The following FBXL17 variants were observed in gnomAD, a reference collection of about 807,000 sequenced individuals.
FBXL17 encodes the protein F-box and leucine rich repeat protein 17, also known as F-box/LRR-repeat protein 17.
In FBXL17, 22 loss-of-function variants were observed where a neutral mutation model predicts 66.2. The ratio of observed to expected loss-of-function variants is 0.33; its 90% CI spans 0.24 to 0.47. The LOEUF (loss-of-function observed/expected upper bound fraction) is 0.47. Among genes scored for constraint, FBXL17 ranks in the 20% least tolerant of loss-of-function variants. FBXL17 has a pLI of 1.00. For synonymous variants in FBXL17, 474 were observed against 400.5 expected, an observed-to-expected ratio of 1.18 and a Z score of -2.19; for missense variants, 878 against 948.2, an observed-to-expected ratio of 0.93 and a Z score of 0.97.
rs540256069 is a variant in FBXL17, at chr5:108,077,466, C to T, written c.1746-56465G>A. 2.8e-3 allele frequency among the ~76,000 whole-genome samples: 431 copies of T among 151,974 alleles called. 2 individuals carry two copies. Among genetic ancestry groups the T allele is most frequent in the Middle Eastern group, 0.01 (3 of 294 alleles). ...ATCACTTGAGCCCAGGAGTTTTAGA[C>T]CAGCCTAGGTAACAAATGAAACCCC... is the stretch of plus-strand genomic sequence containing the variant. On this transcript the variant is annotated intron_variant, in intron 6 of 8. Transcript: ENST00000542267.
intron 3 of FBXL17, among the ~76,000 whole-genome samples, chr5:108,357,309 T>G (rs1239522922): frequency 6.6e-6 from 1 of 152,052 alleles, no homozygotes; most frequent in Non-Finnish European, 1.5e-5. Context: ...TTAATATGTA[T>G]TCATCTCACA....
intron 7 of FBXL17, among the ~76,000 whole-genome samples, chr5:107,982,523 T>C (rs1162660320): frequency 1.3e-5 from 2 of 152,164 alleles, no homozygotes; most frequent in Admixed American, 1.3e-4. Flanking sequence ...AACAAAACTT[T>C]CCGCTACTGA....
At chr5:107,870,111 T>C (rs1231401961) in intron 8 of FBXL17, among the ~76,000 whole-genome samples, 1 of 152,126 alleles carries the variant, frequency 6.6e-6, no homozygotes, top group Non-Finnish European at 1.5e-5. Flanking sequence ...GCATCAATAT[T>C]TGTAAAGCTA....
intron 5 of FBXL17, among the ~76,000 whole-genome samples, chr5:108,203,562 G>C (rs1324357402): frequency 6.6e-6 from 1 of 152,058 alleles, no homozygotes; most frequent in Non-Finnish European, 1.5e-5. Flanking sequence ...TACTCACTAG[G>C]TCATATTCAT....
Position 107,878,485 on chromosome 5 carries a change from A to G in FBXL17, c.1965+2552T>C, listed in dbSNP as rs564771734. The G allele has an allele frequency of 2.0e-5, 13 of 661,134 alleles. No homozygotes were observed. The South Asian group carries it at 6.8e-4, about 34-fold the overall frequency. 41.0% of individuals were successfully genotyped at this position (661,134 alleles called of 1,614,324 possible). On this transcript the variant is annotated intron_variant, in intron 8 of 8. Transcript: ENST00000542267. ...TCATCCTCATTTTGCAAACGAGGGA[A>G]CAGGCACTGAGAGGTTAGTAACTGC...
At chr5:108,142,782 A>G (rs1751401268) in intron 6 of FBXL17, among the ~76,000 whole-genome samples, 1 of 152,070 alleles carries the variant, frequency 6.6e-6, no homozygotes, top group African/African-American at 2.4e-5. Context: ...TGGGCAACCA[A>G]GTATTATGAC....
chr5:107,937,313 T>C (rs1438048399), intron 7 of FBXL17, among the ~76,000 whole-genome samples: 1 of 152,132 alleles, frequency 6.6e-6, no homozygotes, highest in Non-Finnish European at 1.5e-5. Flanking sequence ...CAATCTATTG[T>C]GTGAGCATTC....
intron 8 of FBXL17, chr5:107,879,113 T>C (rs1207659276): frequency 2.0e-6 from 2 of 985,488 alleles, no homozygotes; most frequent in Non-Finnish European, 2.4e-6. Context: ...TGGAATAACA[T>C]TCTCCTGTAG....
intron 7 of FBXL17, among the ~76,000 whole-genome samples, chr5:107,953,744 T>C (rs1751574862): frequency 6.6e-6 from 1 of 152,182 alleles, no homozygotes; most frequent in Admixed American, 6.5e-5. Context: ...GACTCCTTCC[T>C]TTTTACCTTC....
chr5:108,133,226 C>A (rs1031731284), intron 6 of FBXL17, among the ~76,000 whole-genome samples: 4 of 152,090 alleles, frequency 2.6e-5, no homozygotes, highest in Non-Finnish European at 5.9e-5. Flanking sequence ...CATAAACCAC[C>A]TCCTCTTTAT....
chr5:108,321,712 T>TAA (rs77977808), intron 4 of FBXL17, among the ~76,000 whole-genome samples: 1 of 149,162 alleles, frequency 6.7e-6, no homozygotes, highest in Admixed American at 6.7e-5. Flanking sequence ...TAAATAAATT[T>TAA]AAAAAAAAAA....
chr5:108,147,447 C>T (rs1751604313), intron 6 of FBXL17, among the ~76,000 whole-genome samples: 1 of 151,974 alleles, frequency 6.6e-6, no homozygotes, highest in African/African-American at 2.4e-5. Flanking sequence ...CTTTGGGAGG[C>T]AGAGATGGTG....
chr5:108,379,439 C>T (rs1318578963), intron 1 of FBXL17, among the ~76,000 whole-genome samples: 1 of 152,192 alleles, frequency 6.6e-6, no homozygotes, highest in African/African-American at 2.4e-5. Context: ...TAGATCATTA[C>T]ATTTTGACAC....
At chr5:108,191,380 T>C (rs539621415) in intron 5 of FBXL17, among the ~76,000 whole-genome samples, 38 of 152,342 alleles carry the variant, frequency 2.5e-4, no homozygotes, top group Non-Finnish European at 4.4e-4. Context: ...CACTAAACTG[T>C]ACATTTTACA....
chr5:107,878,412 A>G, intron 8 of FBXL17: 2 of 634,812 alleles, frequency 3.2e-6, no homozygotes, highest in Non-Finnish European at 3.9e-6. Flanking sequence ...TGCTTTATGT[A>G]TGTTAACTCA....
intron 7 of FBXL17, among the ~76,000 whole-genome samples, chr5:107,885,712 AT>A (rs1245896228): frequency 8.5e-5 from 13 of 152,358 alleles, no homozygotes; most frequent in African/African-American, 2.4e-4. Context: ...ACAAGGGAAT[AT>A]AATAAAATAC....
At chr5:107,918,966 T>C (rs1750221674) in intron 7 of FBXL17, among the ~76,000 whole-genome samples, 1 of 152,188 alleles carries the variant, frequency 6.6e-6, no homozygotes, top group South Asian at 2.1e-4. Context: ...TGGACTATAC[T>C]TTGTGGGAGA....
At chr5:108,009,106 T>C (rs1754046195) in intron 7 of FBXL17, among the ~76,000 whole-genome samples, 1 of 148,144 alleles carries the variant, frequency 6.8e-6, no homozygotes, top group Non-Finnish European at 1.5e-5. Context: ...ATTTTTTTTC[T>C]CTGCTTCTAA....
intron 7 of FBXL17, among the ~76,000 whole-genome samples, chr5:107,971,588 G>A (rs1243240803): frequency 1.3e-5 from 2 of 152,210 alleles, no homozygotes; most frequent in East Asian, 1.9e-4. Flanking sequence ...AATTTGGTGC[G>A]TGGTGTGATG....
Sources: allele counts gnomAD v4.1 joint callset (sites outside exome capture counted in the v4.1 genomes callset), GRCh38; gene constraint gnomAD v4.1.1; transcripts MANE v1.5; gene names NCBI Gene and HGNC (gene_info 2026-07-23, HGNC 2026-07-21).